MBNL1: variants seen among roughly 807,000 people sequenced by gnomAD.
MBNL1 encodes the protein muscleblind like splicing regulator 1.
A neutral mutation model predicts 42.2 loss-of-function variants in MBNL1; 8 were observed. The ratio of observed to expected loss-of-function variants is 0.19; its 90% CI spans 0.11 to 0.34. The LOEUF is 0.34. MBNL1 is among the 10% of genes least tolerant of loss of function. MBNL1 has a pLI of 1.00. For missense variants in MBNL1, 309 were observed against 495.3 expected (o/e 0.62, Z 3.57); for synonymous variants, 169 against 173.9 (o/e 0.97, Z 0.22).
At position 152,456,261 on chromosome 3, in the gene MBNL1, C is replaced by G; in HGVS notation, c.998-6C>G. On this transcript the variant is annotated splice_polypyrimidine_tract_variant and splice_region_variant and intron_variant, in intron 7 of 9. Transcript: ENST00000324210. Reference sequence around the variant, plus strand: ...ATGTTCGCTTATATGATTTTCCCTCCGAAAGTTCCCATGGTGCACGGTGCT... The same window carrying G: ...ATGTTCGCTTATATGATTTTCCCTCGGAAAGTTCCCATGGTGCACGGTGCT... 6.2e-7 allele frequency: 1 copy of G among 1,607,864 alleles called. No individual in the cohort carries two copies. Among genetic ancestry groups the G allele is most frequent in the Non-Finnish European group, 8.5e-7 (1 of 1,174,318 alleles).
intron 2 of MBNL1, among the ~76,000 whole-genome samples, chr3:152,404,964 G>C (rs1319484883): frequency 6.6e-6 from 1 of 151,708 alleles, no homozygotes; most frequent in Non-Finnish European, 1.5e-5. Context: ...TGTTGATACT[G>C]TAAGACAGGT....
chr3:152,268,677 G>C (rs2037989277), upstream of MBNL1: 1 of 437,744 alleles, frequency 2.3e-6, no homozygotes, highest in Admixed American at 2.5e-5. Context: ...TCCTGCTCTC[G>C]GCGCCGCTGG....
intron 1 of MBNL1, among the ~76,000 whole-genome samples, chr3:152,293,346 C>T (rs2057021438): frequency 6.6e-6 from 1 of 152,182 alleles, no homozygotes; most frequent in African/African-American, 2.4e-5. Context: ...CTTTGTTACT[C>T]TACTTAGCAC....
rs1018595952 is a variant in MBNL1 at position 152,458,263 on chromosome 3, A to T, written c.1093-1008A>T. On this transcript the variant is annotated intron_variant, in intron 8 of 9. Transcript: ENST00000324210. ...TGCCAATGCTGTAAAATTGTGTAAAAATGTCAGCTGAGAACTGGAAATAAA... is the reference window on the plus strand; with the variant it reads ...TGCCAATGCTGTAAAATTGTGTAAATATGTCAGCTGAGAACTGGAAATAAA... The T allele has an allele frequency of 3.7e-6, 5 of 1,365,826 alleles. No homozygotes were observed. In the East Asian group the frequency reaches 1.2e-4, roughly 31 times the overall value. The allele number at this position is 1,365,826 out of a possible 1,614,324, so 84.6% of individuals were successfully genotyped here. A position where few individuals can be genotyped will look rare whatever the true frequency, so the allele number is the denominator to read the frequency against.
Position 152,381,571 on chromosome 3 carries a change from A to G in MBNL1, c.175-33370A>G, listed in dbSNP as rs528536225. Among the ~76,000 whole-genome samples, 4 of 152,140 alleles carry G rather than the reference A, an allele frequency of 2.6e-5. No homozygotes were observed. The South Asian group carries it at 6.2e-4, about 24-fold the overall frequency. On this transcript the variant is annotated intron_variant, in intron 2 of 9. Transcript: ENST00000324210. ...GTCGTTTCCTGGAAAATCATTTGTT[A>G]AAAAACTCATTTTGGTAATTATCTA...
chr3:152,403,917 GA>G, intron 2 of MBNL1, among the ~76,000 whole-genome samples: 1 of 152,256 alleles, frequency 6.6e-6, no homozygotes, highest in East Asian at 1.9e-4. Flanking sequence ...TCTCCATGGG[GA>G]CAGAGCCAGT....
Position 152,440,803 on chromosome 3 carries a change from A to G in MBNL1, c.550-4479A>G, listed in dbSNP as rs533317797. On this transcript the variant is annotated intron_variant, in intron 4 of 9. Coordinates refer to ENST00000324210, the MANE Select transcript of MBNL1 (RefSeq NM_021038.5). ...TACATTAAATTATAAACTCATGATCAGCGATGCTGTGGACACTTTGATCAA... is the reference window on the plus strand; with the variant it reads ...TACATTAAATTATAAACTCATGATCGGCGATGCTGTGGACACTTTGATCAA... 1.8e-4 allele frequency among the ~76,000 whole-genome samples: 28 copies of G among 152,376 alleles called. 1 individual carries two copies. The South Asian group carries it at 5.6e-3, about 30-fold the overall frequency.
At chr3:152,449,804 T>C (rs1718308200) in intron 6 of MBNL1, among the ~76,000 whole-genome samples, 1 of 152,168 alleles carries the variant, frequency 6.6e-6, no homozygotes, top group Non-Finnish European at 1.5e-5. Flanking sequence ...CTATTCTTGA[T>C]CAATATTTCT....
intron 2 of MBNL1, among the ~76,000 whole-genome samples, chr3:152,307,801 A>C (rs2064012278): frequency 6.6e-6 from 1 of 152,244 alleles, no homozygotes; most frequent in South Asian, 2.1e-4. Flanking sequence ...AGCAGTACTT[A>C]AGAATAAAAA....
chr3:152,290,960 C>T (rs540038134), intron 1 of MBNL1, among the ~76,000 whole-genome samples: 25 of 152,244 alleles, frequency 1.6e-4, no homozygotes, highest in South Asian at 1.4e-3. Context: ...TACCATTTAG[C>T]TCTTGAGCAC....
intron 2 of MBNL1, among the ~76,000 whole-genome samples, chr3:152,343,657 A>G (rs554335455): frequency 6.6e-6 from 1 of 152,228 alleles, no homozygotes; most frequent in Admixed American, 6.6e-5. Context: ...GGTGGGTGCC[A>G]TGGAGCTGAG....
intron 4 of MBNL1, among the ~76,000 whole-genome samples, chr3:152,440,406 C>T (rs73011743): frequency 0.09 from 13,654 of 152,112 alleles, 662 homozygotes; most frequent in Middle Eastern, 0.16. Flanking sequence ...TGGCAGAAGG[C>T]GGAAAGCACG....
intron 2 of MBNL1, among the ~76,000 whole-genome samples, chr3:152,364,878 A>G (rs2096258609): frequency 6.6e-6 from 1 of 151,092 alleles, no homozygotes; most frequent in Non-Finnish European, 1.5e-5. Context: ...TTTTTTTCAT[A>G]ACCATTTTTA....
intron 2 of MBNL1, among the ~76,000 whole-genome samples, chr3:152,309,397 G>A (rs2065091543): frequency 6.6e-6 from 1 of 152,166 alleles, no homozygotes; most frequent in Non-Finnish European, 1.5e-5. Flanking sequence ...GTTAATATGA[G>A]GTTGAGATCC....
At chr3:152,349,948 G>C (rs2094758098) in intron 2 of MBNL1, among the ~76,000 whole-genome samples, 1 of 152,078 alleles carries the variant, frequency 6.6e-6, no homozygotes, top group South Asian at 2.1e-4. Context: ...TCTTTTTAGG[G>C]AGAACATGTA....
intron 2 of MBNL1, among the ~76,000 whole-genome samples, chr3:152,414,577 A>T (rs58312188): frequency 0.033 from 5,095 of 152,318 alleles, 290 homozygotes; most frequent in African/African-American, 0.12. Context: ...TTAAATCATT[A>T]AATTTAACCA....
intron 2 of MBNL1, among the ~76,000 whole-genome samples, chr3:152,302,619 T>G (rs1306440107): frequency 3.3e-5 from 5 of 152,302 alleles, no homozygotes; most frequent in African/African-American, 1.2e-4. Flanking sequence ...AAACATATTT[T>G]AAAACTGTTA....
intron 1 of MBNL1, among the ~76,000 whole-genome samples, chr3:152,282,661 A>C (rs2049156984): frequency 6.6e-6 from 1 of 152,174 alleles, no homozygotes; most frequent in South Asian, 2.1e-4. Context: ...ATTTTCAATA[A>C]TTAAAAAAAA....
upstream of MBNL1, chr3:152,268,554 G>A: frequency 2.9e-6 from 1 of 350,084 alleles, no homozygotes; most frequent in Non-Finnish European, 5.7e-6. Flanking sequence ...GAAGAAGCGG[G>A]AGGGCGTCCG....
Sources: allele counts gnomAD v4.1 joint callset (sites outside exome capture counted in the v4.1 genomes callset), GRCh38; gene constraint gnomAD v4.1.1; transcripts MANE v1.5; gene names NCBI Gene and HGNC (gene_info 2026-07-23, HGNC 2026-07-21).